EEFSEC: variants seen among roughly 807,000 people sequenced by gnomAD.
EEFSEC encodes the protein eukaryotic elongation factor, selenocysteine-tRNA specific.
In EEFSEC, 43 loss-of-function variants were observed where a neutral mutation model predicts 42.1. The observed-to-expected ratio is 1.02, with a 90% confidence interval of 0.80 to 1.32. The LOEUF is 1.32. EEFSEC is among the 40% of genes most tolerant of loss of function. EEFSEC has a pLI of 0.00. For missense variants in EEFSEC, 745 were observed against 803.6 expected, an observed-to-expected ratio of 0.93 and a Z score of 0.88; for synonymous variants, 354 against 339.1, an observed-to-expected ratio of 1.04 and a Z score of -0.48.
At chr3:128,193,063 T>G (rs2065543841) in intron 1 of EEFSEC, among the ~76,000 whole-genome samples, 1 of 152,194 alleles carries the variant, frequency 6.6e-6, no homozygotes, top group Non-Finnish European at 1.5e-5. Flanking sequence ...CAGGGTTAAA[T>G]GGGACGGCTT....
At chr3:128,287,953 T>C (rs1205253659) in intron 4 of EEFSEC, among the ~76,000 whole-genome samples, 1 of 151,134 alleles carries the variant, frequency 6.6e-6, no homozygotes, top group Non-Finnish European at 1.5e-5. Context: ...TTGTACCTTG[T>C]TTCCCCCCGC....
intron 1 of EEFSEC, among the ~76,000 whole-genome samples, chr3:128,164,782 G>A (rs531585068): frequency 3.3e-5 from 5 of 152,256 alleles, no homozygotes; most frequent in African/African-American, 7.2e-5. Context: ...CTCAGGAGCC[G>A]GGAGAGTCTC....
At chr3:128,411,100 G>A (rs561289840), downstream of EEFSEC, among the ~76,000 whole-genome samples, 4 of 152,216 alleles carry the variant, frequency 2.6e-5, no homozygotes, top group Admixed American at 6.5e-5. Flanking sequence ...TCCATTAGTG[G>A]GGTCGGGCCA....
At chr3:128,420,303 T>A in the EEFSEC span, among the ~76,000 whole-genome samples, 4 of 152,246 alleles carry the variant, frequency 2.6e-5, no homozygotes, top group South Asian at 4.1e-4. Context: ...AATTAAGGTT[T>A]TCTTCCAAGA....
intron 4 of EEFSEC, among the ~76,000 whole-genome samples, chr3:128,302,107 G>T (rs1371555421): frequency 6.6e-6 from 1 of 152,176 alleles, no homozygotes; most frequent in East Asian, 1.9e-4. Flanking sequence ...CTTCCTAGTG[G>T]ATTGGTTATA....
At chr3:128,185,920 G>C (rs2065460240) in intron 1 of EEFSEC, among the ~76,000 whole-genome samples, 1 of 152,122 alleles carries the variant, frequency 6.6e-6, no homozygotes, top group Admixed American at 6.5e-5. Flanking sequence ...ACATGTTTTT[G>C]TGTAAACATA....
intron 5 of EEFSEC, among the ~76,000 whole-genome samples, chr3:128,354,741 C>T (rs2067431210): frequency 6.6e-6 from 1 of 152,184 alleles, no homozygotes; most frequent in African/African-American, 2.4e-5. Flanking sequence ...TGGCATTTAG[C>T]TTTTTAAAGT....
intron 6 of EEFSEC, among the ~76,000 whole-genome samples, chr3:128,378,467 A>C (rs2067735149): frequency 6.6e-6 from 1 of 152,182 alleles, no homozygotes; most frequent in Admixed American, 6.5e-5. Flanking sequence ...GGATCTGTGC[A>C]CCACTGCATC....
At chr3:128,386,335 C>G (rs1314800298) in intron 6 of EEFSEC, among the ~76,000 whole-genome samples, 4 of 152,284 alleles carry the variant, frequency 2.6e-5, no homozygotes, top group African/African-American at 9.6e-5. Context: ...TGAAAACGTT[C>G]TCAAAAATCA....
chr3:128,387,647 T>C (rs1025402117), intron 6 of EEFSEC, among the ~76,000 whole-genome samples: 2 of 151,838 alleles, frequency 1.3e-5, no homozygotes, highest in African/African-American at 4.8e-5. Context: ...CGAAGAAGGA[T>C]CTTTGTCACG....
chr3:128,353,834 C>T (rs537422242), intron 5 of EEFSEC, among the ~76,000 whole-genome samples: 6 of 152,290 alleles, frequency 3.9e-5, no homozygotes, highest in African/African-American at 7.2e-5. Context: ...CCCCTGTTCC[C>T]GACAGGGCTT....
intron 4 of EEFSEC, among the ~76,000 whole-genome samples, chr3:128,289,050 A>T (rs1338783394): frequency 6.6e-6 from 1 of 152,178 alleles, no homozygotes; most frequent in African/African-American, 2.4e-5. Flanking sequence ...AGCTACAGGG[A>T]TATGTACCAG....
chr3:128,252,991 T>C (rs2066203375), intron 2 of EEFSEC, among the ~76,000 whole-genome samples: 1 of 152,148 alleles, frequency 6.6e-6, no homozygotes, highest in Non-Finnish European at 1.5e-5. Flanking sequence ...TGCTAAACTC[T>C]ACTCCCCAGG....
intron 4 of EEFSEC, among the ~76,000 whole-genome samples, chr3:128,295,594 CTT>C (rs543376332): frequency 6.2e-4 from 81 of 131,470 alleles, no homozygotes; most frequent in African/African-American, 1.4e-3. Context: ...ATTGAGGCTC[CTT>C]TTTTTTTTTT....
intron 6 of EEFSEC, among the ~76,000 whole-genome samples, chr3:128,362,669 G>A (rs1029061059): frequency 2.0e-5 from 3 of 152,204 alleles, no homozygotes; most frequent in African/African-American, 4.8e-5. Flanking sequence ...TACCACTCGC[G>A]TGCCCATGTG....
At chr3:128,321,332 A>G (rs1352084030) in intron 4 of EEFSEC, among the ~76,000 whole-genome samples, 1 of 152,080 alleles carries the variant, frequency 6.6e-6, no homozygotes, top group African/African-American at 2.4e-5. Flanking sequence ...ACATTTTCTG[A>G]GAGGGAAGAA....
At chr3:128,333,133 A>T (rs2067152136) in intron 4 of EEFSEC, among the ~76,000 whole-genome samples, 1 of 152,236 alleles carries the variant, frequency 6.6e-6, no homozygotes, top group Non-Finnish European at 1.5e-5. Context: ...CCTTGGCACA[A>T]CCAGGAGCTT....
At chr3:128,293,853 G>A (rs972475878) in intron 4 of EEFSEC, among the ~76,000 whole-genome samples, 2 of 152,288 alleles carry the variant, frequency 1.3e-5, no homozygotes, top group Non-Finnish European at 2.9e-5. Flanking sequence ...TCCCTGTGGA[G>A]TTGTTGGGAG....
At chr3:128,347,975 A>G (rs1297238475) in intron 5 of EEFSEC, among the ~76,000 whole-genome samples, 2 of 152,160 alleles carry the variant, frequency 1.3e-5, no homozygotes, top group Admixed American at 6.5e-5. Context: ...TTTTTTTCCT[A>G]TGGCTTGGAA....
Sources: allele counts gnomAD v4.1 joint callset (sites outside exome capture counted in the v4.1 genomes callset), GRCh38; gene constraint gnomAD v4.1.1; transcripts MANE v1.5; gene names NCBI Gene and HGNC (gene_info 2026-07-23, HGNC 2026-07-21).